The following PRIM2 variants were observed in gnomAD, a reference collection of about 807,000 sequenced individuals.
The protein encoded by PRIM2 is DNA primase large subunit.
Under a neutral mutation model 67.3 loss-of-function variants are expected in PRIM2, and 39 were observed. That is an observed-to-expected ratio of 0.58 (90% CI 0.45 to 0.76). The LOEUF (loss-of-function observed/expected upper bound fraction) is 0.76, where lower values mean the gene tolerates loss of function less well. Among genes scored for constraint, PRIM2 ranks in the 30% least tolerant of loss-of-function variants. The pLI, the probability that PRIM2 is intolerant of heterozygous loss-of-function variation, is 0.00. For missense variants in PRIM2, 398 were observed against 598.7 expected (o/e 0.66, Z 3.50); for synonymous variants, 143 against 198.7 (o/e 0.72, Z 2.36).
chr6:57,379,434 AGTT>A (rs1769880612), intron 5 of PRIM2, among the ~76,000 whole-genome samples: 1 of 151,614 alleles, frequency 6.6e-6, no homozygotes, highest in Non-Finnish European at 1.5e-5. Flanking sequence ...ATAAATTTAT[AGTT>A]GTTCCTAGAA....
intron 6 of PRIM2, among the ~76,000 whole-genome samples, chr6:57,381,127 T>G (rs62418049): frequency 0.02 from 2,979 of 152,148 alleles, 83 homozygotes; most frequent in African/African-American, 0.061. Flanking sequence ...ACCCTGTAGG[T>G]CTGTTTGACT....
intron 5 of PRIM2, among the ~76,000 whole-genome samples, chr6:57,355,138 T>C (rs1768987712): frequency 6.6e-6 from 1 of 152,280 alleles, no homozygotes; most frequent in Non-Finnish European, 1.5e-5. Flanking sequence ...ATCCCGTCTC[T>C]ACTAAAAATA....
chr6:57,607,643 GTTTGAGTGACTTAA>G (rs1355796206), intron 12 of PRIM2, among the ~76,000 whole-genome samples: 4 of 152,104 alleles, frequency 2.6e-5, no homozygotes, highest in Admixed American at 2.6e-4. Flanking sequence ...GTTGGTTTCG[GTTTGAGTGACTTAA>G]TTTTAGTGGT....
the PRIM2 span, among the ~76,000 whole-genome samples, chr6:57,262,163 T>G: frequency 6.6e-6 from 1 of 152,184 alleles, no homozygotes; most frequent in Non-Finnish European, 1.5e-5. Context: ...TTATTTCTGA[T>G]TCAGTCACTT....
upstream of PRIM2, among the ~76,000 whole-genome samples, chr6:57,312,110 A>G (rs1298130453): frequency 1.3e-5 from 2 of 151,678 alleles, no homozygotes; most frequent in Non-Finnish European, 2.9e-5. Context: ...TTTTCTTATT[A>G]TCTTGATACT....
intron 12 of PRIM2, among the ~76,000 whole-genome samples, chr6:57,611,052 T>A (rs1321259564): frequency 3.3e-5 from 5 of 152,190 alleles, no homozygotes; most frequent in Non-Finnish European, 7.4e-5. Context: ...AACCTTTTTC[T>A]ATTCTCAAAG....
At chr6:57,485,285 C>G (rs1287033384) in intron 7 of PRIM2, among the ~76,000 whole-genome samples, 1 of 152,064 alleles carries the variant, frequency 6.6e-6, no homozygotes, top group Non-Finnish European at 1.5e-5. Context: ...TAGCTTTATT[C>G]TATGAGGCCC....
intron 7 of PRIM2, among the ~76,000 whole-genome samples, chr6:57,422,025 A>T (rs1361591199): frequency 2.0e-5 from 3 of 152,200 alleles, no homozygotes; most frequent in African/African-American, 7.2e-5. Flanking sequence ...CAGTCTTAAA[A>T]ATATATCTTG....
chr6:57,371,240 G>A (rs1346179463), intron 5 of PRIM2, among the ~76,000 whole-genome samples: 1 of 150,160 alleles, frequency 6.7e-6, no homozygotes, highest in Non-Finnish European at 1.5e-5. Context: ...TTGAACTGAT[G>A]TGTGCTTCCC....
intron 9 of PRIM2, among the ~76,000 whole-genome samples, chr6:57,534,450 GT>G (rs1490604064): frequency 2.0e-5 from 3 of 152,048 alleles, no homozygotes; most frequent in Admixed American, 1.3e-4. Context: ...TGATTCTTTT[GT>G]TTGCTTGTTT....
rs759373481 is a variant in PRIM2, at chr6:57,381,999, G to T, written c.556-32G>T. ...TTAGGATTTCTTAATGACAGGTGCT[G>T]ACTTATTTTGCCTGTTTTACTCTTA... On this transcript the variant is annotated intron_variant, in intron 6 of 13. Coordinates refer to ENST00000615550, the MANE Select transcript of PRIM2 (RefSeq NM_000947.5). The T allele has an allele frequency of 1.4e-5, 22 of 1,580,450 alleles. No individual in the cohort carries two copies. The Admixed American group carries it at 3.6e-4, about 26-fold the overall frequency.
Position 57,588,257 on chromosome 6 carries a change from T to C in PRIM2, c.1021-12836T>C, listed in dbSNP as rs1395605270. Among the ~76,000 whole-genome samples the C allele has an allele frequency of 9.0e-4, 137 of 152,182 alleles. 1 individual carries two copies. Among genetic ancestry groups the C allele is most frequent in the African/African-American group, 3.1e-3 (130 of 41,506 alleles). ...TAGTGGAGCTGAGTAGAAAATTATG[T>C]TGACCTTTAAGAGGTCCCATAGAGA... On this transcript the variant is annotated intron_variant, in intron 10 of 13. Coordinates refer to ENST00000615550, the MANE Select transcript of PRIM2 (RefSeq NM_000947.5).
upstream of PRIM2, among the ~76,000 whole-genome samples, chr6:57,312,604 A>C (rs1767409835): frequency 6.6e-6 from 1 of 152,214 alleles, no homozygotes; most frequent in Non-Finnish European, 1.5e-5. Flanking sequence ...TGTTTTTTTA[A>C]AAAAAGTTTA....
Position 57,408,630 on chromosome 6 carries a change from T to C in PRIM2, c.693+26462T>C, listed in dbSNP as rs544061012. On this transcript the variant is annotated intron_variant, in intron 7 of 13. Coordinates refer to ENST00000615550, the MANE Select transcript of PRIM2 (RefSeq NM_000947.5). ...CATGATAATTTTGTTTGTTTTAGAA[T>C]TCCGTGTAAATTGAATCATACACTA... 2.8e-4 allele frequency among the ~76,000 whole-genome samples: 42 copies of C among 152,264 alleles called. No individual in the cohort carries two copies. The East Asian group carries it at 7.9e-3, about 29-fold the overall frequency.
intron 7 of PRIM2, among the ~76,000 whole-genome samples, chr6:57,404,690 T>C (rs1201116416): frequency 3.3e-5 from 5 of 152,146 alleles, no homozygotes; most frequent in African/African-American, 9.7e-5. Context: ...CTCTGCAGTA[T>C]GTAAGATGTG....
intron 5 of PRIM2, among the ~76,000 whole-genome samples, chr6:57,356,119 C>T (rs4715663): frequency 0.41 from 62,633 of 151,892 alleles, 13,690 homozygotes; most frequent in South Asian, 0.56. Context: ...GCTGTCTAAG[C>T]GGGGATACAC....
At chr6:57,607,582 T>G in intron 12 of PRIM2, among the ~76,000 whole-genome samples, 1 of 152,264 alleles carries the variant, frequency 6.6e-6, no homozygotes, top group Non-Finnish European at 1.5e-5. Context: ...AAGCTTAGGA[T>G]AATGGTGGCA....
chr6:57,270,758 G>T, the PRIM2 span, among the ~76,000 whole-genome samples: 2 of 152,194 alleles, frequency 1.3e-5, no homozygotes, highest in African/African-American at 4.8e-5. Flanking sequence ...GATATTGGCT[G>T]TGGGTTTGTC....
At chr6:57,563,586 G>A (rs1775680603) in intron 10 of PRIM2, among the ~76,000 whole-genome samples, 1 of 152,222 alleles carries the variant, frequency 6.6e-6, no homozygotes, top group Non-Finnish European at 1.5e-5. Context: ...TTTAAAAAGG[G>A]AAGTTCAGTC....
Sources: allele counts gnomAD v4.1 joint callset (sites outside exome capture counted in the v4.1 genomes callset), GRCh38; gene constraint gnomAD v4.1.1; transcripts MANE v1.5; gene names NCBI Gene and HGNC (gene_info 2026-07-23, HGNC 2026-07-21).